ASIC2: variants seen among roughly 807,000 people sequenced by gnomAD.
ASIC2 encodes the protein acid-sensing ion channel 2.
A neutral mutation model predicts 57.3 loss-of-function variants in ASIC2; 25 were observed. The ratio of observed to expected loss-of-function variants is 0.44; its 90% CI spans 0.32 to 0.61. The LOEUF (loss-of-function observed/expected upper bound fraction) is 0.61. Ranked by LOEUF, ASIC2 falls within the 20% of genes least tolerant of loss-of-function variation. The pLI is 0.06. For synonymous variants in ASIC2, 319 were observed against 307.5 expected (o/e 1.04, Z -0.39); for missense variants, 641 against 738.1 (o/e 0.87, Z 1.52).
Position 33,014,035 on chromosome 17 carries a change from T to C in ASIC2, c.1622A>G (p.Glu541Gly). 6.2e-7 allele frequency: 1 copy of C among 1,604,432 alleles called. No homozygotes were observed. Among genetic ancestry groups the C allele is most frequent in the Non-Finnish European group, 8.5e-7 (1 of 1,175,212 alleles). ...CACGTTCACAGTGTGACTGATGGTT[T>C]CAGAGTGGTTTGGCATTGTGTCACA... Reference protein sequence around the residue: ...STCDTMPNHSETISHTVNVPL... With the variant: ...STCDTMPNHSGTISHTVNVPL... The change falls in exon 10 of 10, where the codon GAA becomes GGA. Residue 541 changes from glutamate to glycine, a missense_variant. By Grantham distance (98) the Glu-to-Gly change is moderately conservative. Transcript: ENST00000225823.
At chr17:33,756,987 C>T (rs1380709226) in intron 1 of ASIC2, among the ~76,000 whole-genome samples, 1 of 152,234 alleles carries the variant, frequency 6.6e-6, no homozygotes, top group Admixed American at 6.5e-5. Context: ...TTCCTTGCCT[C>T]TTCCAGCTTT....
Position 33,026,964 on chromosome 17 carries a change from C to T in ASIC2, c.1139-982G>A, listed in dbSNP as rs183449973. On this transcript the variant is annotated intron_variant, in intron 4 of 9. Transcript: ENST00000225823. Reference sequence around the variant, plus strand: ...GCTCAGAGGCCATTTTATTATTATTCGTATTTAAAACATACAAATTTATTA... The same window carrying T: ...GCTCAGAGGCCATTTTATTATTATTTGTATTTAAAACATACAAATTTATTA... Among the ~76,000 whole-genome samples the T allele has an allele frequency of 1.3e-4, 20 of 152,186 alleles. No homozygotes were observed. In the East Asian group the frequency reaches 1.9e-3, roughly 15 times the overall value.
intron 1 of ASIC2, among the ~76,000 whole-genome samples, chr17:33,689,924 CTCCAG>C (rs1310389308): frequency 6.6e-6 from 1 of 152,228 alleles, no homozygotes; most frequent in Non-Finnish European, 1.5e-5. Flanking sequence ...ACCCTGGAGC[CTCCAG>C]AGGGCGTGCA....
At chr17:33,920,752 G>T (rs1469570311) in intron 1 of ASIC2, among the ~76,000 whole-genome samples, 1 of 152,118 alleles carries the variant, frequency 6.6e-6, no homozygotes, top group African/African-American at 2.4e-5. Flanking sequence ...TTTGTTCTGG[G>T]CCAAAGTGGT....
In ASIC2 at chr17:34,132,101, C is replaced by T. The variant is rs142359103; in HGVS notation, c.555+23877G>A. Among the ~76,000 whole-genome samples the T allele has an allele frequency of 4.4e-3, 670 of 152,292 alleles. 5 individuals carry two copies. Among genetic ancestry groups the T allele is most frequent in the African/African-American group, 0.015 (643 of 41,550 alleles). Reference sequence around the variant, plus strand: ...TGCAGGGGACACAAGAATGTAAAGCCTGGCTAACCTCAGCTGGGATCTCAA... The same window carrying T: ...TGCAGGGGACACAAGAATGTAAAGCTTGGCTAACCTCAGCTGGGATCTCAA... On this transcript the variant is annotated intron_variant, in intron 1 of 9. Coordinates refer to the ASIC2 transcript ENST00000359872.
At chr17:33,471,272 A>C (rs1163197660) in intron 1 of ASIC2, among the ~76,000 whole-genome samples, 1 of 152,140 alleles carries the variant, frequency 6.6e-6, no homozygotes, top group Admixed American at 6.5e-5. Context: ...GAAATTACCT[A>C]GTTGGGATTG....
At chr17:33,335,874 G>A (rs769639837) in intron 1 of ASIC2, among the ~76,000 whole-genome samples, 3 of 152,200 alleles carry the variant, frequency 2.0e-5, no homozygotes, top group African/African-American at 7.2e-5. Context: ...CAGCCTTCCA[G>A]CTCCAATCGC....
intron 1 of ASIC2, among the ~76,000 whole-genome samples, chr17:33,863,189 T>C (rs1004218141): frequency 1.3e-5 from 2 of 152,228 alleles, no homozygotes; most frequent in Admixed American, 6.5e-5. Context: ...AAAGGCCACA[T>C]AGCTTGCAGC....
intron 1 of ASIC2, among the ~76,000 whole-genome samples, chr17:33,864,504 C>A (rs1036012963): frequency 6.6e-6 from 1 of 152,316 alleles, no homozygotes; most frequent in South Asian, 2.1e-4. Context: ...TTCAGCCACA[C>A]ATGGCCCTTT....
chr17:33,778,554 A>G (rs750835045), intron 1 of ASIC2, among the ~76,000 whole-genome samples: 7 of 152,150 alleles, frequency 4.6e-5, no homozygotes, highest in African/African-American at 7.2e-5. Context: ...AACACTTGTC[A>G]CCACTGAGAT....
intron 1 of ASIC2, among the ~76,000 whole-genome samples, chr17:33,499,458 G>A (rs905814705): frequency 2.1e-4 from 32 of 152,338 alleles, no homozygotes; most frequent in African/African-American, 7.2e-4. Context: ...AGAAGGCCAC[G>A]TAAACACGAA....
chr17:33,036,273 CA>C (rs1237816716), intron 3 of ASIC2, among the ~76,000 whole-genome samples: 1 of 152,048 alleles, frequency 6.6e-6, no homozygotes, highest in Non-Finnish European at 1.5e-5. Context: ...GTAGCCTGTG[CA>C]AGATCACATA....
chr17:33,502,618 T>A (rs8079480), intron 1 of ASIC2, among the ~76,000 whole-genome samples: 97,916 of 152,068 alleles, frequency 0.64, 32,677 homozygotes, highest in African/African-American at 0.83. Flanking sequence ...GGAGTAGACC[T>A]GTGTCCAGGC....
chr17:33,988,296 G>T (rs2142008230), intron 1 of ASIC2, among the ~76,000 whole-genome samples: 1 of 152,244 alleles, frequency 6.6e-6, no homozygotes, highest in Non-Finnish European at 1.5e-5. Context: ...CTTGCTCAGT[G>T]GAAGGTAATT....
At chr17:33,632,996 G>T (rs1211801420) in intron 1 of ASIC2, among the ~76,000 whole-genome samples, 2 of 152,200 alleles carry the variant, frequency 1.3e-5, no homozygotes, top group African/African-American at 2.4e-5. Flanking sequence ...AGACCCAGAA[G>T]CTCTCTTACT....
chr17:33,270,315 A>C (rs1904433814), intron 1 of ASIC2, among the ~76,000 whole-genome samples: 1 of 152,142 alleles, frequency 6.6e-6, no homozygotes, highest in African/African-American at 2.4e-5. Flanking sequence ...TAATCAGCCC[A>C]TTTCCTCATC....
chr17:33,847,108 C>A (rs1332179704), intron 1 of ASIC2, among the ~76,000 whole-genome samples: 2 of 151,466 alleles, frequency 1.3e-5, no homozygotes, highest in South Asian at 4.2e-4. Flanking sequence ...GGAAATAGCT[C>A]CAACGACCTC....
intron 1 of ASIC2, among the ~76,000 whole-genome samples, chr17:33,628,473 T>A: frequency 6.6e-6 from 1 of 151,940 alleles, no homozygotes. Flanking sequence ...TAAATTTTTT[T>A]TTTTGCAGAG....
At chr17:33,760,601 C>T (rs943047845) in intron 1 of ASIC2, among the ~76,000 whole-genome samples, 2 of 144,742 alleles carry the variant, frequency 1.4e-5, no homozygotes, top group Non-Finnish European at 3.0e-5. Flanking sequence ...AGGATATATG[C>T]AAGATATATA....
Sources: allele counts gnomAD v4.1 joint callset (sites outside exome capture counted in the v4.1 genomes callset), GRCh38; gene constraint gnomAD v4.1.1; transcripts MANE v1.5; gene names NCBI Gene and HGNC (gene_info 2026-07-23, HGNC 2026-07-21).